The following ZFHX3 variants were observed in gnomAD, a reference collection of about 807,000 sequenced individuals.
ZFHX3 encodes zinc finger homeobox protein 3.
A neutral mutation model predicts 279.1 loss-of-function variants in ZFHX3; 42 were observed. The ratio of observed to expected loss-of-function variants is 0.15; its 90% confidence interval spans 0.12 to 0.19. The LOEUF (loss-of-function observed/expected upper bound fraction) is 0.19. Ranked by LOEUF, ZFHX3 falls within the 10% of genes least tolerant of loss-of-function variation. The pLI is 1.00. For synonymous variants in ZFHX3, 2,293 were observed against 1,957.8 expected (o/e 1.17, Z -4.52); for missense variants, 4,981 against 4,754.0 (o/e 1.05, Z -1.40).
chr16:73,687,246 G>C (rs2053098313), intron 1 of ZFHX3, among the ~76,000 whole-genome samples: 1 of 150,244 alleles, frequency 6.7e-6, no homozygotes, highest in African/African-American at 2.5e-5. Context: ...ACAAAAATTA[G>C]CTGTGAATGG....
chr16:73,560,084 C>A lies in ZFHX3; in HGVS notation c.-1546-103826G>T, dbSNP rs565029422. Among the ~76,000 whole-genome samples the A allele has an allele frequency of 2.6e-5, 4 of 152,266 alleles. No homozygotes were observed. The East Asian group carries it at 7.7e-4, about 29-fold the overall frequency. ...AAAAAAAACCCCAGTGCCTGATGAT[C>A]GGGAGCTTGTCTGTCAAGTTCCTTC... On this transcript the variant is annotated intron_variant, in intron 2 of 17. Coordinates refer to the ZFHX3 transcript ENST00000641206.
rs61284759 is a variant in ZFHX3 at position 73,059,524 on chromosome 16, T to TTCTCTCTCTCTCTCTCTCTCTCTC, written c.-1042_-1019dup. ...CTTTTCTTTCTTATTATTTTCCCCT[T>TTCTCTCTCTCTCTCTCTCTCTCTC]TCTCTCTCTCTCTCTCTCTCTCTCT... On this transcript the variant is annotated 5_prime_UTR_variant, in exon 1 of 9. Transcript: ENST00000397992. The TTCTCTCTCTCTCTCTCTCTCTCTC allele has an allele frequency of 8.0e-4, 83 of 103,232 alleles. 2 individuals are homozygous for TTCTCTCTCTCTCTCTCTCTCTCTC. The highest frequency in any genetic ancestry group is 0.011 in the Middle Eastern group (2 of 176). The allele number at this position is 103,232 out of a possible 1,614,324, so 6.4% of individuals were successfully genotyped here.
At chr16:73,821,932 A>G (rs1230757814) in intron 1 of ZFHX3, among the ~76,000 whole-genome samples, 1 of 152,180 alleles carries the variant, frequency 6.6e-6, no homozygotes, top group Non-Finnish European at 1.5e-5. Context: ...CACAACCCAA[A>G]GACTCCATGT....
At chr16:73,872,698 T>C (rs1004522767) in intron 1 of ZFHX3, among the ~76,000 whole-genome samples, 16 of 140,200 alleles carry the variant, frequency 1.1e-4, no homozygotes, top group Non-Finnish European at 1.8e-4. Context: ...ACAAGGTTAA[T>C]TTCATGGAAT....
intron 5 of ZFHX3, among the ~76,000 whole-genome samples, chr16:73,245,029 G>A (rs574965079): frequency 6.6e-6 from 1 of 152,244 alleles, no homozygotes; most frequent in South Asian, 2.1e-4. Flanking sequence ...CAGAGAAACT[G>A]GTGATCTCAG....
At chr16:72,871,420 C>T (rs1380756207) in intron 4 of ZFHX3, among the ~76,000 whole-genome samples, 1 of 151,536 alleles carries the variant, frequency 6.6e-6, no homozygotes, top group African/African-American at 2.4e-5. Context: ...TGGCTCACTG[C>T]AACCTCTGAC....
chr16:73,193,952 A>G (rs986310976), intron 5 of ZFHX3, among the ~76,000 whole-genome samples: 6 of 152,356 alleles, frequency 3.9e-5, no homozygotes, highest in African/African-American at 1.4e-4. Flanking sequence ...TTTGTGGTCC[A>G]TGCAGTGATG....
At chr16:73,291,921 T>C (rs748589043) in intron 4 of ZFHX3, among the ~76,000 whole-genome samples, 2 of 152,208 alleles carry the variant, frequency 1.3e-5, no homozygotes, top group South Asian at 2.1e-4. Flanking sequence ...CTTTTGTCTT[T>C]GTTTGATAAT....
intron 1 of ZFHX3, among the ~76,000 whole-genome samples, chr16:73,795,160 C>T (rs948561669): frequency 1.3e-5 from 2 of 152,204 alleles, no homozygotes; most frequent in East Asian, 1.9e-4. Flanking sequence ...AGGCTCAGAC[C>T]GCAGCCAGGA....
At chr16:73,431,759 A>G (rs185648057) in intron 3 of ZFHX3, among the ~76,000 whole-genome samples, 42 of 152,270 alleles carry the variant, frequency 2.8e-4, no homozygotes, top group Admixed American at 2.7e-3. Context: ...TTTGATTACA[A>G]TACTGGAAAT....
chr16:73,131,132 G>A, intron 6 of ZFHX3: 1 of 500,418 alleles, frequency 2.0e-6, no homozygotes, highest in African/African-American at 2.0e-5. Context: ...TGTTTTCTAG[G>A]GTTGACATGA....
Position 72,874,198 on chromosome 16 carries a change from A to ATTTTTTT in ZFHX3, c.3448+15526_3448+15532dup, listed in dbSNP as rs565664402. Among the ~76,000 whole-genome samples, 173 of 95,110 alleles carry ATTTTTTT rather than the reference A, an allele frequency of 1.8e-3. 16 individuals are homozygous for ATTTTTTT. The highest frequency in any genetic ancestry group is 7.5e-3 in the African/African-American group (159 of 21,214). 62.4% of individuals were successfully genotyped at this position (95,110 alleles called of 152,430 possible). A position where few individuals can be genotyped will look rare whatever the true frequency, so the allele number is the denominator to read the frequency against. On this transcript the variant is annotated intron_variant, in intron 4 of 9. Transcript: ENST00000268489. ...TGGAGCTCAGATGGAGGATTTTTTG[A>ATTTTTTT]TTTTTTTTTTTTTTTTTTTTTTTTT...
intron 5 of ZFHX3, among the ~76,000 whole-genome samples, chr16:72,826,703 A>C (rs935759752): frequency 3.3e-5 from 5 of 152,174 alleles, no homozygotes; most frequent in African/African-American, 1.2e-4. Context: ...TTCTCTCTTT[A>C]CTATTGTGCA....
chr16:73,792,428 A>G (rs1315967510), intron 1 of ZFHX3, among the ~76,000 whole-genome samples: 1 of 152,230 alleles, frequency 6.6e-6, no homozygotes, highest in Non-Finnish European at 1.5e-5. Context: ...AGGAGCTGGC[A>G]ATACTAAATC....
intron 1 of ZFHX3, among the ~76,000 whole-genome samples, chr16:73,847,889 C>T (rs1042798163): frequency 1.1e-4 from 16 of 149,258 alleles, no homozygotes; most frequent in African/African-American, 3.7e-4. Flanking sequence ...GGGCACGTGC[C>T]ACTATGCCTG....
intron 1 of ZFHX3, among the ~76,000 whole-genome samples, chr16:73,871,874 C>A (rs1415889732): frequency 1.3e-5 from 2 of 152,116 alleles, no homozygotes; most frequent in African/African-American, 4.8e-5. Context: ...TATATAGATG[C>A]TTATGGAAAT....
At chr16:73,154,457 C>A (rs1036840634) in intron 5 of ZFHX3, among the ~76,000 whole-genome samples, 4 of 152,178 alleles carry the variant, frequency 2.6e-5, no homozygotes, top group Non-Finnish European at 4.4e-5. Context: ...AGAGTCTCTA[C>A]TGATGATTCC....
chr16:73,519,299 G>T, intron 2 of ZFHX3, among the ~76,000 whole-genome samples: 1 of 150,580 alleles, frequency 6.6e-6, no homozygotes, highest in African/African-American at 2.4e-5. Context: ...CAGTTATCTG[G>T]GATTAAACAT....
intron 1 of ZFHX3, among the ~76,000 whole-genome samples, chr16:73,857,547 G>T (rs1009154108): frequency 1.3e-5 from 2 of 152,086 alleles, no homozygotes; most frequent in African/African-American, 4.8e-5. Context: ...GAGAGGAAAA[G>T]CTACATTTCC....
Sources: gnomAD v4.1 joint callset for allele counts (sites outside exome capture counted in the v4.1 genomes callset) on GRCh38, gnomAD v4.1.1 for gene constraint, MANE v1.5 for transcripts, NCBI Gene and HGNC (gene_info 2026-07-23, HGNC 2026-07-21) for gene names.